Variants in PLCXD3 observed in about 807,000 individuals in gnomAD.
PLCXD3 encodes the protein PI-PLC X domain-containing protein 3.
In PLCXD3, 19 loss-of-function variants were observed where a neutral mutation model predicts 25.5. That is an observed-to-expected ratio of 0.75 (90% confidence interval 0.52 to 1.09). PLCXD3 has a LOEUF of 1.09. Ranked by LOEUF, PLCXD3 falls within the 50% of genes least tolerant of loss-of-function variation. PLCXD3 has a pLI of 0.00. For synonymous variants in PLCXD3, 174 were observed against 137.6 expected (o/e 1.26, Z -1.85); for missense variants, 411 against 388.1 (o/e 1.06, Z -0.50).
chr5:41,495,238 G>C (rs181932296), intron 1 of PLCXD3, among the ~76,000 whole-genome samples: 1 of 152,338 alleles, frequency 6.6e-6, no homozygotes, highest in East Asian at 1.9e-4. Flanking sequence ...TCTGACTTTT[G>C]GAGAAGCCTG....
intron 1 of PLCXD3, among the ~76,000 whole-genome samples, chr5:41,413,755 G>A (rs1057180000): frequency 6.6e-6 from 1 of 152,028 alleles, no homozygotes; most frequent in African/African-American, 2.4e-5. Flanking sequence ...GTGTGAGTAG[G>A]CTTTGATTCT....
At chr5:41,415,746 C>T (rs1439649123) in intron 1 of PLCXD3, among the ~76,000 whole-genome samples, 1 of 152,128 alleles carries the variant, frequency 6.6e-6, no homozygotes, top group Non-Finnish European at 1.5e-5. Flanking sequence ...TTATTATCTG[C>T]TTGAAACTTC....
chr5:41,413,433 C>T (rs1746612413), intron 1 of PLCXD3, among the ~76,000 whole-genome samples: 1 of 152,142 alleles, frequency 6.6e-6, no homozygotes, highest in Admixed American at 6.5e-5. Context: ...TTGCTAAACA[C>T]TATGATAGAT....
At chr5:41,474,630 C>T (rs318041) in intron 1 of PLCXD3, among the ~76,000 whole-genome samples, 89,624 of 151,996 alleles carry the variant, frequency 0.59, 27,929 homozygotes, top group African/African-American at 0.81. Context: ...GATTCTCTCA[C>T]TTCTCCTTTC....
intron 1 of PLCXD3, among the ~76,000 whole-genome samples, chr5:41,457,088 T>A (rs1316521788): frequency 6.6e-6 from 1 of 151,952 alleles, no homozygotes; most frequent in Non-Finnish European, 1.5e-5. Context: ...AAAATAAATC[T>A]TGAAAATGTT....
intron 1 of PLCXD3, among the ~76,000 whole-genome samples, chr5:41,415,145 T>C (rs1170004465): frequency 6.6e-6 from 1 of 152,204 alleles, no homozygotes; most frequent in African/African-American, 2.4e-5. Context: ...GATGCTATTG[T>C]AAAACCAAAG....
rs905963392 is a variant in PLCXD3 at position 41,468,965 on chromosome 5, G to A, written c.103+41459C>T. ...TCATTATCTTGTCTCTGATCTTCGA[G>A]GAAAAGCTTTCAAATTTTCACCATT... On this transcript the variant is annotated intron_variant, in intron 1 of 2. Transcript: ENST00000377801. Among the ~76,000 whole-genome samples, 4 of 152,092 alleles carry A rather than the reference G, an allele frequency of 2.6e-5. No homozygotes were observed. The South Asian group carries it at 6.2e-4, about 24-fold the overall frequency.
In PLCXD3 at chr5:41,395,831, A is replaced by T. The variant is rs1745985684; in HGVS notation, c.104-13297T>A. On this transcript the variant is annotated intron_variant, in intron 1 of 2. Transcript: ENST00000377801. ...GTAATAAAATGTCTCCCACTAAAGA[A>T]AAGCTTGGGACCTGATGGTTTCACT... Among the ~76,000 whole-genome samples the T allele has an allele frequency of 2.6e-5, 4 of 152,134 alleles. No homozygotes were observed. In the South Asian group the frequency reaches 8.3e-4, roughly 31 times the overall value.
At chr5:41,486,903 C>G (rs1748530713) in intron 1 of PLCXD3, among the ~76,000 whole-genome samples, 2 of 152,172 alleles carry the variant, frequency 1.3e-5, no homozygotes, top group African/African-American at 4.8e-5. Context: ...AGCAGAGCCA[C>G]AGTTTAAACC....
At chr5:41,405,690 A>G (rs1014826696) in intron 1 of PLCXD3, among the ~76,000 whole-genome samples, 2 of 152,170 alleles carry the variant, frequency 1.3e-5, no homozygotes, top group African/African-American at 4.8e-5. Context: ...CACATGAGAT[A>G]TGCTTCAAAA....
At chr5:41,331,768 G>A (rs980515303) in intron 2 of PLCXD3, among the ~76,000 whole-genome samples, 2 of 152,122 alleles carry the variant, frequency 1.3e-5, no homozygotes, top group Non-Finnish European at 2.9e-5. Flanking sequence ...GAACAGAACA[G>A]AGTCCTCAGA....
chr5:41,324,945 C>T (rs992054141), intron 2 of PLCXD3, among the ~76,000 whole-genome samples: 1 of 152,136 alleles, frequency 6.6e-6, no homozygotes, highest in Non-Finnish European at 1.5e-5. Context: ...TTGGGTACTA[C>T]GTCATGGGAG....
Position 41,459,076 on chromosome 5 carries a change from A to C in PLCXD3, c.103+51348T>G, listed in dbSNP as rs139470848. 2.0e-3 allele frequency among the ~76,000 whole-genome samples: 310 copies of C among 151,946 alleles called. 1 individual carries two copies. Among genetic ancestry groups the C allele is most frequent in the African/African-American group, 7.3e-3 (303 of 41,500 alleles). On this transcript the variant is annotated intron_variant, in intron 1 of 2. Transcript: ENST00000377801. ...TTTTCTAAGAAAAATATTTTCCTTC[A>C]ATGCCAAGTACTCTTTCAAGGGTCT...
At chr5:41,435,757 G>A (rs1210713606) in intron 1 of PLCXD3, among the ~76,000 whole-genome samples, 1 of 152,220 alleles carries the variant, frequency 6.6e-6, no homozygotes, top group Non-Finnish European at 1.5e-5. Flanking sequence ...TGAAACACTA[G>A]ATAATGTTTA....
chr5:41,398,627 T>C (rs983368905), intron 1 of PLCXD3, among the ~76,000 whole-genome samples: 2 of 152,042 alleles, frequency 1.3e-5, no homozygotes, highest in Admixed American at 1.3e-4. Context: ...GAATAAAAAC[T>C]ATATGATCAT....
chr5:41,364,056 G>C (rs1177524541), intron 2 of PLCXD3, among the ~76,000 whole-genome samples: 2 of 152,100 alleles, frequency 1.3e-5, no homozygotes, highest in Non-Finnish European at 2.9e-5. Flanking sequence ...TTTCCAGCCA[G>C]GGTCAACTCT....
chr5:41,350,711 G>A (rs1393648153), intron 2 of PLCXD3, among the ~76,000 whole-genome samples: 1 of 152,120 alleles, frequency 6.6e-6, no homozygotes, highest in Non-Finnish European at 1.5e-5. Flanking sequence ...AGAAAATAGA[G>A]TATGGCAAAA....
chr5:41,482,804 TTACCATCTTAACAATTTTTAAGTG>T (rs1426912563), intron 1 of PLCXD3, among the ~76,000 whole-genome samples: 3 of 152,206 alleles, frequency 2.0e-5, no homozygotes, highest in Non-Finnish European at 4.4e-5. Context: ...TACCTCACAT[TTACCATCTTAACAATTTTTAAGTG>T]TACCATTCAG....
intron 1 of PLCXD3, among the ~76,000 whole-genome samples, chr5:41,415,675 A>C (rs982562524): frequency 1.7e-4 from 26 of 152,126 alleles, no homozygotes; most frequent in African/African-American, 6.3e-4. Context: ...AAGTTCCCCC[A>C]AAAAAGAGAT....
Sources: allele counts gnomAD v4.1 joint callset (sites outside exome capture counted in the v4.1 genomes callset), GRCh38; gene constraint gnomAD v4.1.1; transcripts MANE v1.5; gene names NCBI Gene and HGNC (gene_info 2026-07-23, HGNC 2026-07-21).